GOLGA6L22: variants seen among roughly 807,000 people sequenced by gnomAD.
GOLGA6L22 encodes the protein golgin subfamily A member 6-like protein 22.
GOLGA6L22 carries 28 observed loss-of-function variants against 77.1 expected under a neutral mutation model. The ratio of observed to expected loss-of-function variants is 0.36; its 90% CI spans 0.27 to 0.50. The LOEUF (loss-of-function observed/expected upper bound fraction) is 0.50, where lower values mean the gene tolerates loss of function less well. Among genes scored for constraint, GOLGA6L22 ranks in the 20% least tolerant of loss-of-function variants. The probability of loss-of-function intolerance (pLI) is 0.97; values close to 1 mark genes in which losing one functional copy is unlikely to be tolerated. For missense variants in GOLGA6L22, 250 were observed against 620.4 expected (o/e 0.40, Z 6.34); for synonymous variants, 62 against 185.3 (o/e 0.33, Z 5.41).
In GOLGA6L22 at chr15:22,466,505, C is replaced by T; in HGVS notation, c.2113C>T (p.Gln705Ter). The change falls in exon 8 of 9, where the codon CAG becomes TAG. Residue 705 changes from glutamine (Q) to a stop codon, truncating the protein, a stop_gained. Transcript: ENST00000622895. LOFTEE classifies it high-confidence loss of function. The stretch of plus-strand genomic sequence containing the variant: ...GGAGCAGGAGGAGAAGATACGAGAG[C>T]AGGAGGAGATGATGCAGGAACAGGA... 1 of 939,710 alleles carries T rather than the reference C, an allele frequency of 1.1e-6. No individual in the cohort carries two copies. The highest frequency in any genetic ancestry group is 1.6e-6 in the Non-Finnish European group (1 of 630,822). 58.2% of individuals were successfully genotyped at this position (939,710 alleles called of 1,614,324 possible).
rs1450623577 is a variant in GOLGA6L22, at chr15:22,466,312, G to C, written c.1920G>C (p.Trp640Cys). The stretch of plus-strand genomic sequence containing the variant: ...TACGAGAGCAGGAGGAGAAGATATG[G>C]GAGCAGGAGGAGAAGATACGAGAGC... The change falls in exon 8 of 9, where the codon TGG becomes TGC. Residue 640 changes from tryptophan to cysteine, a missense_variant. Physicochemically the swap from Trp to Cys is radical, Grantham distance 215. Transcript: ENST00000622895. 5.3e-6 allele frequency: 6 copies of C among 1,139,536 alleles called. 1 individual carries two copies. In the Admixed American group the frequency reaches 9.1e-5, roughly 17 times the overall value. The allele number at this position is 1,139,536 out of a possible 1,614,324, so 70.6% of individuals were successfully genotyped here.
chr15:22,465,796 AC>A lies in GOLGA6L22; in HGVS notation c.1405del (p.Arg469GlyfsTer95), dbSNP rs1887678678. 9.0e-7 allele frequency: 1 copy of A among 1,107,028 alleles called. No homozygotes were observed. The highest frequency in any genetic ancestry group is 3.5e-5 in the Admixed American group (1 of 28,882). 68.6% of individuals were successfully genotyped at this position (1,107,028 alleles called of 1,614,324 possible). On this transcript the variant is annotated frameshift_variant, in exon 8 of 9. Transcript: ENST00000622895. LOFTEE classifies it high-confidence loss of function. ...AGAAGATACGGGAGCAGGAGAAGAA[AC>A]GGGAGCAGGAGGAGAAGATGTGGAG...
In GOLGA6L22 at chr15:22,461,955, G is replaced by A. The variant is rs528016766; in HGVS notation, c.181-79G>A. ...ATGGGTGGGCCTGTTCTGGGACAGT[G>A]GTGCCATTCTGGGGGCATGTCTCTT... On this transcript the variant is annotated intron_variant, in intron 2 of 8. Coordinates refer to ENST00000622895, the Ensembl canonical transcript of GOLGA6L22. 50 of 1,380,154 alleles carry A rather than the reference G, an allele frequency of 3.6e-5. 7 individuals are homozygous for A. In the African/African-American group the frequency reaches 8.5e-4, roughly 23 times the overall value. 85.5% of individuals were successfully genotyped at this position (1,380,154 alleles called of 1,614,324 possible).
Position 22,466,695 on chromosome 15 carries a change from AG to A in GOLGA6L22, c.2305del (p.Glu769ArgfsTer30), listed in dbSNP as rs1887738072. ...GAACAGGAAGAGAAGATGTGGGAGC[AG>A]GAGGAGAAGATGTGTGAGCAGGAAG... On this transcript the variant is annotated frameshift_variant, in exon 8 of 9. Coordinates refer to ENST00000622895, the Ensembl canonical transcript of GOLGA6L22. LOFTEE classifies it high-confidence loss of function. 1 of 597,360 alleles carries A rather than the reference AG, an allele frequency of 1.7e-6. No individual in the cohort carries two copies. Among genetic ancestry groups the A allele is most frequent in the Non-Finnish European group, 2.9e-6 (1 of 349,172 alleles). 37.0% of individuals were successfully genotyped at this position (597,360 alleles called of 1,614,324 possible).
chr15:22,466,539 TGGG>T (rs1887729491), exon 8 of GOLGA6L22: 1 of 1,348,590 alleles, frequency 7.4e-7, no homozygotes, highest in Non-Finnish European at 1.0e-6. Flanking sequence ...GAAGAGAAGA[TGGG>T]GGAGCAGGAA....
rs1309263854 is a variant in GOLGA6L22, at chr15:22,465,934, G to T, written c.1542G>T (p.Arg514Ser). ...AGAAGATATGGGAGGAGGAGAAGAG[G>T]CAGGAGCAGGAGGATAAGATGTGGA... The change falls in exon 8 of 9, where the codon AGG (arginine) becomes AGT (serine). Residue 514 changes from arginine (R) to serine (S), a missense_variant. Arg to Ser is a moderately radical substitution (Grantham distance 110). Coordinates refer to ENST00000622895, the Ensembl canonical transcript of GOLGA6L22. 4.2e-5 allele frequency: 40 copies of T among 941,208 alleles called. 3 individuals carry two copies. The East Asian group carries it at 1.2e-3, about 29-fold the overall frequency. 58.3% of individuals were successfully genotyped at this position (941,208 alleles called of 1,614,324 possible). A position where few individuals can be genotyped will look rare whatever the true frequency, so the allele number is the denominator to read the frequency against.
rs1157533864 is a variant in GOLGA6L22, at chr15:22,460,641, C to CT, written c.52-171dup. 4.8e-5 allele frequency among the ~76,000 whole-genome samples: 6 copies of CT among 125,440 alleles called. 1 individual carries two copies. The highest frequency in any genetic ancestry group is 5.1e-4 in the South Asian group (2 of 3,948). The allele number at this position is 125,440 out of a possible 152,430, so 82.3% of individuals were successfully genotyped here. On this transcript the variant is annotated intron_variant, in intron 1 of 8. Coordinates refer to ENST00000622895, the Ensembl canonical transcript of GOLGA6L22. ...GACTAAGTTTAAGTTCCATTACTGC[C>CT]TTTTTTTTCAGCCATGGTATCAATC...
chr15:22,466,271 G>T lies in GOLGA6L22; in HGVS notation c.1879G>T (p.Glu627Ter). The change falls in exon 8 of 9, where the codon GAG becomes TAG. Residue 627 changes from glutamate to a stop codon, truncating the protein, a stop_gained. Coordinates refer to ENST00000622895, the Ensembl canonical transcript of GOLGA6L22. LOFTEE classifies it high-confidence loss of function. ...AAGGGAGCAGGAGGAGAAGATACGG[G>T]AGCAGAAGGAGAAGATACGAGAGCA... 1 of 1,052,366 alleles carries T rather than the reference G, an allele frequency of 9.5e-7. No homozygotes were observed. The highest frequency in any genetic ancestry group is 1.3e-6 in the Non-Finnish European group (1 of 751,916). 65.2% of individuals were successfully genotyped at this position (1,052,366 alleles called of 1,614,324 possible). A position where few individuals can be genotyped will look rare whatever the true frequency, so the allele number is the denominator to read the frequency against.
intron 2 of GOLGA6L22, among the ~76,000 whole-genome samples, chr15:22,461,162 C>G (rs1887523502): frequency 8.0e-6 from 1 of 125,412 alleles, no homozygotes. Flanking sequence ...TATTGTTTTC[C>G]TTACGTTTGT....
exon 8 of GOLGA6L22, chr15:22,465,853 G>C (rs1566906146): frequency 7.0e-7 from 1 of 1,437,850 alleles, no homozygotes; most frequent in Non-Finnish European, 9.3e-7. Context: ...AGCAGGAGGA[G>C]AAGATACGGG....
exon 9 of GOLGA6L22, chr15:22,468,819 T>C (rs994947728): frequency 2.1e-5 from 1 of 48,304 alleles, no homozygotes; most frequent in Non-Finnish European, 3.4e-5. Context: ...ATTACAAGTA[T>C]GAGCCACTGC....
At chr15:22,463,239 C>T (rs1887575692) in intron 5 of GOLGA6L22, among the ~76,000 whole-genome samples, 1 of 149,400 alleles carries the variant, frequency 6.7e-6, no homozygotes, top group South Asian at 2.1e-4. Flanking sequence ...AAGGTTCGAA[C>T]AGTGGTAGTA....
Position 22,461,932 on chromosome 15 carries a change from G to T in GOLGA6L22, c.181-102G>T, listed in dbSNP as rs1298719184. 51 of 1,187,506 alleles carry T rather than the reference G, an allele frequency of 4.3e-5. 10 individuals are homozygous for T. The South Asian group carries it at 4.8e-4, about 11-fold the overall frequency. 73.6% of individuals were successfully genotyped at this position (1,187,506 alleles called of 1,614,324 possible). On this transcript the variant is annotated intron_variant, in intron 2 of 8. Transcript: ENST00000622895. ...AGGGTCCCTGATAAACTGGTCCCAT[G>T]GGTGGGCCTGTTCTGGGACAGTGGT...
In GOLGA6L22 at chr15:22,466,553, G is replaced by T. The variant is rs1156300393; in HGVS notation, c.2161G>T (p.Glu721Ter). 7 of 1,349,322 alleles carry T rather than the reference G, an allele frequency of 5.2e-6. No individual in the cohort carries two copies. Among genetic ancestry groups the T allele is most frequent in the African/African-American group, 1.8e-5 (1 of 56,500 alleles). 83.6% of individuals were successfully genotyped at this position (1,349,322 alleles called of 1,614,324 possible). ...GGAAGAGAAGATGGGGGAGCAGGAAGAGAAGATGCAAGAACAGGAGGAGAA... is the reference window on the plus strand; with the variant it reads ...GGAAGAGAAGATGGGGGAGCAGGAATAGAAGATGCAAGAACAGGAGGAGAA... Residue 721 changes from glutamate to a stop codon, truncating the protein, a stop_gained, in exon 8 of 9, where the codon GAG (glutamate) becomes TAG (stop). Coordinates refer to ENST00000622895, the Ensembl canonical transcript of GOLGA6L22. LOFTEE classifies it high-confidence loss of function.
intron 5 of GOLGA6L22, among the ~76,000 whole-genome samples, chr15:22,463,474 A>G (rs886634791): frequency 1.5e-5 from 2 of 136,498 alleles, no homozygotes; most frequent in Non-Finnish European, 3.1e-5. Context: ...CAACACGAAG[A>G]AACCCCGTCT....
rs763564883 is a variant in GOLGA6L22, at chr15:22,462,009, G to T, written c.181-25G>T. The T allele has an allele frequency of 1.9e-5, 28 of 1,467,168 alleles. 7 individuals carry two copies. The South Asian group carries it at 3.4e-4, about 18-fold the overall frequency. 90.9% of individuals were successfully genotyped at this position (1,467,168 alleles called of 1,614,324 possible). A position where few individuals can be genotyped will look rare whatever the true frequency, so the allele number is the denominator to read the frequency against. ...GTGGATCTCTGCCTACCCCTAGTAAGAGCTCTGTTTTCCTCTTTCTATAGG... is the reference window on the plus strand; with the variant it reads ...GTGGATCTCTGCCTACCCCTAGTAATAGCTCTGTTTTCCTCTTTCTATAGG... On this transcript the variant is annotated intron_variant, in intron 2 of 8. Coordinates refer to ENST00000622895, the Ensembl canonical transcript of GOLGA6L22.
At chr15:22,465,871 G>T in exon 8 of GOLGA6L22, 1 of 1,394,776 alleles carries the variant, frequency 7.2e-7, no homozygotes, top group Non-Finnish European at 9.5e-7. Context: ...GGGAGCAGGA[G>T]GAGATGTGGA....
Position 22,465,977 on chromosome 15 carries a change from C to T in GOLGA6L22, c.1585C>T (p.Arg529Trp), listed in dbSNP as rs745547866. The T allele has an allele frequency of 8.3e-5, 74 of 891,144 alleles. 3 individuals carry two copies. Among genetic ancestry groups the T allele is most frequent in the South Asian group, 6.5e-4 (40 of 61,648 alleles). The allele number at this position is 891,144 out of a possible 1,614,324, so 55.2% of individuals were successfully genotyped here. The change falls in exon 8 of 9, where the codon CGG becomes TGG. Residue 529 changes from arginine to tryptophan, a missense_variant. Transcript: ENST00000622895. ...GATGTGGAGGCAGGAGGAGAAGATA[C>T]GGGAGCAGGAGGAGAAGGTGTGGAG... is the stretch of plus-strand genomic sequence containing the variant.
chr15:22,466,327 G>A, exon 8 of GOLGA6L22: 2 of 1,220,914 alleles, frequency 1.6e-6, no homozygotes, highest in Middle Eastern at 6.3e-4. Flanking sequence ...AGGAGGAGAA[G>A]ATACGAGAGC....
Sources: gnomAD v4.1 joint callset for allele counts (sites outside exome capture counted in the v4.1 genomes callset) on GRCh38, gnomAD v4.1.1 for gene constraint, MANE v1.5 for transcripts, NCBI Gene and HGNC (gene_info 2026-07-23, HGNC 2026-07-21) for gene names.